CSMD1: variants seen among roughly 807,000 people sequenced by gnomAD.
CSMD1 encodes the protein CUB and Sushi multiple domains 1.
A neutral mutation model predicts 417.5 loss-of-function variants in CSMD1; 213 were observed. That is an observed-to-expected ratio of 0.51 (90% CI 0.46 to 0.57). The LOEUF is 0.57. Ranked by LOEUF, CSMD1 falls within the 20% of genes least tolerant of loss-of-function variation. The pLI, the probability that CSMD1 is intolerant of heterozygous loss-of-function variation, is 0.00. For synonymous variants in CSMD1, 2,862 were observed against 1,736.8 expected, an observed-to-expected ratio of 1.65 and a Z score of -16.11; for missense variants, 6,923 against 4,529.7, an observed-to-expected ratio of 1.53 and a Z score of -15.17.
chr8:4,424,957 C>T (rs946678829), intron 2 of CSMD1, among the ~76,000 whole-genome samples: 2 of 151,894 alleles, frequency 1.3e-5, no homozygotes, highest in East Asian at 1.9e-4. Context: ...TACTCAAGAA[C>T]ATATTAAGAT....
chr8:3,990,210 A>G (rs1204118088), intron 5 of CSMD1, among the ~76,000 whole-genome samples: 7 of 152,254 alleles, frequency 4.6e-5, no homozygotes, highest in African/African-American at 1.7e-4. Context: ...TACAAACAAC[A>G]GGTATTTCAT....
chr8:4,788,038 A>G (rs1375605224), intron 1 of CSMD1: 1 of 1,592,196 alleles, frequency 6.3e-7, no homozygotes, highest in Non-Finnish European at 8.6e-7. Context: ...GAAGGGCTCC[A>G]AATGGTAAAG....
At chr8:3,622,563 T>TA (rs1297737069) in intron 7 of CSMD1, among the ~76,000 whole-genome samples, 1 of 152,162 alleles carries the variant, frequency 6.6e-6, no homozygotes, top group Non-Finnish European at 1.5e-5. Context: ...AGTCACTTAC[T>TA]AAAAAAAGGT....
At chr8:4,284,517 G>A (rs575119899) in intron 3 of CSMD1, among the ~76,000 whole-genome samples, 3 of 152,200 alleles carry the variant, frequency 2.0e-5, no homozygotes, top group African/African-American at 7.2e-5. Flanking sequence ...CTTCCCATAT[G>A]GTATAGGTTC....
chr8:3,478,629 G>T lies in CSMD1; in HGVS notation c.1449-9805C>A. Among the ~76,000 whole-genome samples, 2 of 152,050 alleles carry T rather than the reference G, an allele frequency of 1.3e-5. 1 individual carries two copies. Among genetic ancestry groups the T allele is most frequent in the East Asian group, 3.9e-4 (2 of 5,170 alleles). Reference sequence around the variant, plus strand: ...CTCCGACTTGCTGTTTTCCACCCCTGAACAGGCAACAGAAGGACCCCAGCA... The same window carrying T: ...CTCCGACTTGCTGTTTTCCACCCCTTAACAGGCAACAGAAGGACCCCAGCA... On this transcript the variant is annotated intron_variant, in intron 11 of 69. Coordinates refer to ENST00000635120, the MANE Select transcript of CSMD1 (RefSeq NM_033225.6).
At chr8:3,253,395 A>C (rs902479854) in intron 26 of CSMD1, among the ~76,000 whole-genome samples, 1 of 152,122 alleles carries the variant, frequency 6.6e-6, no homozygotes, top group Non-Finnish European at 1.5e-5. Flanking sequence ...TCTGAGAGAC[A>C]GTTTGTTATA....
intron 3 of CSMD1, among the ~76,000 whole-genome samples, chr8:4,363,573 G>A (rs4379466): frequency 0.43 from 65,937 of 151,836 alleles, 14,767 homozygotes; most frequent in East Asian, 0.68. Flanking sequence ...AAACAGGAGC[G>A]CCATCTGCCT....
intron 20 of CSMD1, among the ~76,000 whole-genome samples, chr8:3,363,129 G>A (rs145095129): frequency 7.4e-4 from 113 of 152,236 alleles, no homozygotes; most frequent in African/African-American, 2.6e-3. Context: ...TCCTCCCATT[G>A]TACCTCCGTC....
rs561673348 is a variant in CSMD1, at chr8:3,512,847, C to T, written c.1345-19121G>A. 7.9e-5 allele frequency among the ~76,000 whole-genome samples: 12 copies of T among 152,098 alleles called. No individual in the cohort carries two copies. In the East Asian group the frequency reaches 1.2e-3, roughly 15 times the overall value. On this transcript the variant is annotated intron_variant, in intron 10 of 69. Transcript: ENST00000635120. ...TCTTGATCTCTTCATCCGCCCACCT[C>T]GGCCTCCCAAAATGCTGGGATTACA...
chr8:4,044,569 C>T (rs970234218), intron 3 of CSMD1, among the ~76,000 whole-genome samples: 1 of 152,192 alleles, frequency 6.6e-6, no homozygotes, highest in African/African-American at 2.4e-5. Context: ...CGGCAGAGCT[C>T]GGTCACCGGA....
At chr8:3,446,033 G>C (rs1815283751) in intron 12 of CSMD1, among the ~76,000 whole-genome samples, 1 of 152,170 alleles carries the variant, frequency 6.6e-6, no homozygotes, top group African/African-American at 2.4e-5. Context: ...GGCCCGGATT[G>C]ATAATTACAT....
chr8:3,483,617 C>A (rs575995558), intron 11 of CSMD1, among the ~76,000 whole-genome samples: 4 of 151,890 alleles, frequency 2.6e-5, no homozygotes, highest in African/African-American at 9.7e-5. Context: ...TATTTTATAG[C>A]CATTATAATC....
At chr8:3,169,462 C>T (rs145813157) in intron 37 of CSMD1, among the ~76,000 whole-genome samples, 10 of 151,954 alleles carry the variant, frequency 6.6e-5, no homozygotes, top group African/African-American at 2.4e-4. Flanking sequence ...TAAACTATCT[C>T]TAGTAGTCGA....
intron 2 of CSMD1, among the ~76,000 whole-genome samples, chr8:4,620,576 G>A (rs563240808): frequency 6.6e-6 from 1 of 151,744 alleles, no homozygotes; most frequent in African/African-American, 2.4e-5. Context: ...TTTAACTGCA[G>A]TAGAATTAAA....
intron 3 of CSMD1, among the ~76,000 whole-genome samples, chr8:4,197,450 T>C (rs1186399494): frequency 6.6e-6 from 1 of 152,182 alleles, no homozygotes; most frequent in Non-Finnish European, 1.5e-5. Context: ...GTAATGTAGG[T>C]GGGCCCCGTT....
intron 3 of CSMD1, among the ~76,000 whole-genome samples, chr8:4,166,389 A>G (rs1035241372): frequency 6.6e-6 from 1 of 152,196 alleles, no homozygotes; most frequent in Non-Finnish European, 1.5e-5. Flanking sequence ...AGTTCCCACA[A>G]TTAAAGATAA....
intron 3 of CSMD1, among the ~76,000 whole-genome samples, chr8:4,249,025 G>A (rs1187273784): frequency 6.6e-6 from 1 of 152,112 alleles, no homozygotes; most frequent in Non-Finnish European, 1.5e-5. Flanking sequence ...TTACAACAGT[G>A]CCTGGCATAT....
intron 5 of CSMD1, among the ~76,000 whole-genome samples, chr8:3,836,623 G>T (rs556447987): frequency 6.6e-6 from 1 of 152,054 alleles, no homozygotes; most frequent in Non-Finnish European, 1.5e-5. Context: ...AATGGTATTT[G>T]ACCTGAATCA....
chr8:4,477,078 G>T (rs1471219707), intron 2 of CSMD1, among the ~76,000 whole-genome samples: 1 of 152,180 alleles, frequency 6.6e-6, no homozygotes, highest in Non-Finnish European at 1.5e-5. Context: ...TCAGGGAGAG[G>T]GAAGAGCAGG....
Sources: allele counts gnomAD v4.1 joint callset (sites outside exome capture counted in the v4.1 genomes callset), GRCh38; gene constraint gnomAD v4.1.1; transcripts MANE v1.5; gene names NCBI Gene and HGNC (gene_info 2026-07-23, HGNC 2026-07-21).